The following ZNF841 variants were observed in gnomAD, a reference collection of about 807,000 sequenced individuals.
ZNF841 encodes the protein zinc finger protein 841, also known as TCONS_00006091.
Under a neutral mutation model 13.0 loss-of-function variants are expected in ZNF841, and 11 were observed. That is an observed-to-expected ratio of 0.85 (90% CI 0.53 to 1.40). ZNF841 has a LOEUF of 1.40. Ranked by LOEUF, ZNF841 falls within the 40% of genes most tolerant of loss-of-function variation. ZNF841 has a pLI of 0.00. For missense variants in ZNF841, 1,068 were observed against 1,139.5 expected, an observed-to-expected ratio of 0.94 and a Z score of 0.90; for synonymous variants, 369 against 381.6, an observed-to-expected ratio of 0.97 and a Z score of 0.38.
chr19:52,069,074 C>CT (rs898705461), intron 6 of ZNF841, among the ~76,000 whole-genome samples: 1 of 152,098 alleles, frequency 6.6e-6, no homozygotes, highest in Non-Finnish European at 1.5e-5. Context: ...TATTCATTGT[C>CT]TTTTTTTGCT....
In ZNF841 at chr19:52,066,359, G is replaced by C. The variant is rs1424330789; in HGVS notation, c.1523C>G (p.Thr508Ser). ...ATTACATTTGTAAGGTTTCTCTCCAGTATGAACTCTCTGATGCACTGCAAG... is the reference window on the plus strand; with the variant it reads ...ATTACATTTGTAAGGTTTCTCTCCACTATGAACTCTCTGATGCACTGCAAG... ...SHLAVHQRVH[T>S]GEKPYKCNEC... The change falls in exon 7 of 7, where the codon ACT becomes AGT. Residue 508 changes from threonine to serine, a missense_variant. By Grantham distance (58) the Thr-to-Ser change is moderately conservative (BLOSUM62 1). Transcript: ENST00000594440. The C allele has an allele frequency of 4.3e-6, 7 of 1,613,956 alleles. No individual in the cohort carries two copies. The highest frequency in any genetic ancestry group is 5.1e-6 in the Non-Finnish European group (6 of 1,179,996).
intron 6 of ZNF841, among the ~76,000 whole-genome samples, chr19:52,069,286 G>A (rs2087676270): frequency 6.6e-6 from 1 of 152,076 alleles, no homozygotes; most frequent in Non-Finnish European, 1.5e-5. Flanking sequence ...TGTTGCCCAG[G>A]CTGGTCTGGA....
rs1177838942 is a variant in ZNF841 at position 52,065,213 on chromosome 19, G to A, written c.2669C>T (p.Ser890Leu). 1.2e-6 allele frequency: 2 copies of A among 1,612,526 alleles called. No individual in the cohort carries two copies. The highest frequency in any genetic ancestry group is 1.7e-6 in the Non-Finnish European group (2 of 1,179,186). Residue 890 changes from serine (S) to leucine (L), a missense_variant, in exon 7 of 7, where the codon TCA becomes TTA. Coordinates refer to ENST00000594440, the MANE Select transcript of ZNF841 (RefSeq NM_001136499.2). ...NECGKSYISR[S>L]GLTKHQIKHA... ...TTTTATCTGATGTTTAGTGAGGCCT[G>A]AGCGACTAATGTAAGATTTGCCACA... is the stretch of plus-strand genomic sequence containing the variant.
At chr19:52,068,668 CAAA>C (rs1244178282) in intron 6 of ZNF841, among the ~76,000 whole-genome samples, 4 of 90,182 alleles carry the variant, frequency 4.4e-5, no homozygotes, top group Non-Finnish European at 4.8e-5. Flanking sequence ...AGAGCAGTCT[CAAA>C]AAAAAAAAAA....
downstream of ZNF841, chr19:52,064,377 A>AC (rs2087468863): frequency 2.1e-5 from 3 of 146,332 alleles, no homozygotes; most frequent in East Asian, 1.9e-4. Flanking sequence ...AAAAAAAAAA[A>AC]AAAAAAAAAA....
At chr19:52,089,088 T>C (rs2088386928) in intron 2 of ZNF841, 86 bp from the exon 3 acceptor site, 1 of 152,210 alleles carries the variant, frequency 6.6e-6, no homozygotes, top group Non-Finnish European at 1.5e-5. Context: ...AATACCTTTT[T>C]TATCTCATAT....
chr19:52,086,416 C>T (rs953061342), intron 3 of ZNF841, among the ~76,000 whole-genome samples: 4 of 152,170 alleles, frequency 2.6e-5, no homozygotes, highest in African/African-American at 7.2e-5. Flanking sequence ...CCATGTGAGA[C>T]GCCTGTTCCT....
At chr19:52,064,462 A>C (rs1330846265), downstream of ZNF841, 1 of 150,600 alleles carries the variant, frequency 6.6e-6, no homozygotes, top group Non-Finnish European at 1.5e-5. Context: ...ACCTGAGGCT[A>C]GGTAATGTAT....
At chr19:52,085,340 GCAC>G (rs917411529) in intron 3 of ZNF841, among the ~76,000 whole-genome samples, 8 of 152,208 alleles carry the variant, frequency 5.3e-5, no homozygotes, top group African/African-American at 1.9e-4. Flanking sequence ...TGGTAAAAGG[GCAC>G]AAAACGTGTA....
In ZNF841 at chr19:52,065,611, T is replaced by G. The variant is rs1433185692; in HGVS notation, c.2271A>C (p.Arg757Ser). ...NSTTTLARHRRIHTGEKPYKC... is the reference protein window; with the variant it reads ...NSTTTLARHRSIHTGEKPYKC... ...TGTAAGGTTTCTCTCCAGTATGAAT[T>G]CTCCGATGCCTTGCCAGGGTTGTAG... Residue 757 changes from arginine to serine, a missense_variant, in exon 7 of 7, where the codon AGA (arginine) becomes AGC (serine). Transcript: ENST00000594440. The G allele has an allele frequency of 6.2e-7, 1 of 1,612,914 alleles. No individual in the cohort carries two copies. The highest frequency in any genetic ancestry group is 1.1e-5 in the South Asian group (1 of 90,946).
chr19:52,088,409 GA>G (rs2088362182), intron 3 of ZNF841, among the ~76,000 whole-genome samples: 1 of 152,098 alleles, frequency 6.6e-6, no homozygotes, highest in East Asian at 1.9e-4. Flanking sequence ...CCCTAATTAA[GA>G]AAAAGGTATG....
intron 2 of ZNF841, among the ~76,000 whole-genome samples, chr19:52,092,859 G>A (rs1187195552): frequency 6.6e-6 from 1 of 152,208 alleles, no homozygotes; most frequent in South Asian, 2.1e-4. Context: ...GGCGGCTCAC[G>A]CCTGTAATCC....
intron 3 of ZNF841, among the ~76,000 whole-genome samples, chr19:52,087,712 G>A (rs887695156): frequency 4.6e-5 from 7 of 151,976 alleles, no homozygotes; most frequent in African/African-American, 7.3e-5. Flanking sequence ...GAGGCCCGGC[G>A]CGGTGGCTCA....
At chr19:52,084,983 G>C (rs2088222858) in intron 3 of ZNF841, 105 bp from the exon 4 acceptor site, 2 of 609,258 alleles carry the variant, frequency 3.3e-6, no homozygotes, top group Non-Finnish European at 2.8e-6. Flanking sequence ...AGACAGCCCA[G>C]TGCACCAGGG....
intron 6 of ZNF841, among the ~76,000 whole-genome samples, chr19:52,071,359 G>A (rs1459916024): frequency 6.6e-6 from 1 of 152,102 alleles, no homozygotes; most frequent in Non-Finnish European, 1.5e-5. Flanking sequence ...CCACGAAGAG[G>A]AGATGGATGA....
At chr19:52,092,492 C>T (rs1442669709) in intron 2 of ZNF841, among the ~76,000 whole-genome samples, 3 of 152,172 alleles carry the variant, frequency 2.0e-5, no homozygotes, top group Non-Finnish European at 2.9e-5. Context: ...CAAGAGATAA[C>T]AGGTGTTAGC....
chr19:52,064,930 G>A lies in ZNF841; in HGVS notation c.*177C>T, dbSNP rs149603589. The A allele has an allele frequency of 5.8e-4, 292 of 501,524 alleles. No homozygotes were observed. The highest frequency in any genetic ancestry group is 5.1e-3 in the African/African-American group (262 of 51,022). 31.1% of individuals were successfully genotyped at this position (501,524 alleles called of 1,614,324 possible). ...ATTACAGGCATGAGCCAGACCTCAT[G>A]AGAACTATCACAAGGACAGCAACAA... is the stretch of plus-strand genomic sequence containing the variant. On this transcript the variant is annotated 3_prime_UTR_variant, in exon 7 of 7. Transcript: ENST00000594440.
downstream of ZNF841, among the ~76,000 whole-genome samples, chr19:52,060,809 T>G (rs1308759104): frequency 6.6e-6 from 1 of 152,206 alleles, no homozygotes; most frequent in Non-Finnish European, 1.5e-5. Context: ...CTTTTATTTA[T>G]GCTAAATTCT....
chr19:52,078,717 A>AT (rs900177329), intron 4 of ZNF841, among the ~76,000 whole-genome samples: 1 of 149,928 alleles, frequency 6.7e-6, no homozygotes, highest in African/African-American at 2.5e-5. Context: ...AAAAAAAAAA[A>AT]GTTTTTAAAG....
Sources: allele counts gnomAD v4.1 joint callset (sites outside exome capture counted in the v4.1 genomes callset), GRCh38; gene constraint gnomAD v4.1.1; transcripts MANE v1.5; gene names NCBI Gene and HGNC (gene_info 2026-07-23, HGNC 2026-07-21).